Variants in STAU2 observed in about 807,000 individuals in gnomAD.
The protein encoded by STAU2 is double-stranded RNA-binding protein Staufen homolog 2.
Under a neutral mutation model 65.9 loss-of-function variants are expected in STAU2, and 20 were observed. The observed-to-expected ratio is 0.30, with a 90% CI of 0.21 to 0.44. STAU2 has a LOEUF of 0.44. Among genes scored for constraint, STAU2 ranks in the 20% least tolerant of loss-of-function variants. The pLI is 1.00. For synonymous variants in STAU2, 232 were observed against 233.9 expected (o/e 0.99, Z 0.07); for missense variants, 558 against 683.9 (o/e 0.82, Z 2.05).
At chr8:73,551,818 A>G (rs1179807170) in intron 13 of STAU2, 194 bp downstream of exon 13, 3 of 1,265,898 alleles carry the variant, frequency 2.4e-6, no homozygotes, top group Non-Finnish European at 3.0e-6. Context: ...GAATTACTAG[A>G]TAGATCAAAA....
intron 6 of STAU2, among the ~76,000 whole-genome samples, chr8:73,670,135 C>T (rs1191846687): frequency 2.6e-5 from 4 of 152,064 alleles, no homozygotes; most frequent in South Asian, 2.1e-4. Context: ...AAAGGCAATG[C>T]GTATATTATA....
intron 13 of STAU2, among the ~76,000 whole-genome samples, chr8:73,486,728 C>T (rs971372378): frequency 6.6e-6 from 1 of 151,010 alleles, no homozygotes; most frequent in Non-Finnish European, 1.5e-5. Flanking sequence ...TTATGGCTCA[C>T]TGCAGCCTTT....
Position 73,611,851 on chromosome 8 carries a change from T to A in STAU2, c.891+1893A>T, listed in dbSNP as rs572697306. Among the ~76,000 whole-genome samples the A allele has an allele frequency of 1.7e-4, 26 of 152,162 alleles. 1 individual carries two copies. Among genetic ancestry groups the A allele is most frequent in the African/African-American group, 6.0e-4 (25 of 41,520 alleles). ...CGCATGCCACCACAACCGACTAATT[T>A]TTGTATTTTTAGTAGAGACCAAGTT... On this transcript the variant is annotated intron_variant, in intron 9 of 14. Coordinates refer to ENST00000524300, the MANE Select transcript of STAU2 (RefSeq NM_001164380.2).
chr8:73,519,436 AAAGT>A (rs1234735298), intron 13 of STAU2, among the ~76,000 whole-genome samples: 1 of 152,232 alleles, frequency 6.6e-6, no homozygotes, highest in Admixed American at 6.5e-5. Context: ...GTACTTGAAG[AAAGT>A]AATTTAGGAC....
intron 6 of STAU2, among the ~76,000 whole-genome samples, chr8:73,635,583 T>G (rs980665449): frequency 6.6e-6 from 1 of 152,040 alleles, no homozygotes; most frequent in Non-Finnish European, 1.5e-5. Flanking sequence ...TCCCAGCACT[T>G]TTGGAGGCCA....
intron 13 of STAU2, among the ~76,000 whole-genome samples, chr8:73,525,243 TA>T (rs2128930374): frequency 6.6e-6 from 1 of 152,336 alleles, no homozygotes; most frequent in Admixed American, 6.5e-5. Flanking sequence ...GTATTTGCTT[TA>T]ATATAAAAAT....
rs112690739 is a variant in STAU2 at position 73,655,387 on chromosome 8, G to A, written c.410+17720C>T. The stretch of plus-strand genomic sequence containing the variant: ...TACATAAATTCTGTTAAATACAACA[G>A]AAATTTTACACCAGCTGTATCTTGT... On this transcript the variant is annotated intron_variant, in intron 6 of 14. Transcript: ENST00000524300. Among the ~76,000 whole-genome samples the A allele has an allele frequency of 1.4e-3, 210 of 152,112 alleles. 1 individual carries two copies. The highest frequency in any genetic ancestry group is 3.9e-3 in the African/African-American group (160 of 41,508).
rs1380275255 is a variant in STAU2, at chr8:73,637,463, TAAAGTGCTGAAAG to T, written c.411-20025_411-20013del. Among the ~76,000 whole-genome samples the T allele has an allele frequency of 4.5e-3, 256 of 56,564 alleles. 2 individuals are homozygous for T. The highest frequency in any genetic ancestry group is 0.015 in the African/African-American group (244 of 16,260). The allele number at this position is 56,564 out of a possible 152,430, so 37.1% of individuals were successfully genotyped here. The stretch of plus-strand genomic sequence containing the variant: ...TGGAACAACATCTTTAAAGTCTTTA[TAAAGTGCTGAAAG>T]TAAAAAAAAAAAAAAAAAAAAAAAA... On this transcript the variant is annotated intron_variant, in intron 6 of 14. Transcript: ENST00000524300.
intron 6 of STAU2, among the ~76,000 whole-genome samples, chr8:73,661,585 T>C (rs577315782): frequency 6.6e-6 from 1 of 152,298 alleles, no homozygotes; most frequent in East Asian, 1.9e-4. Flanking sequence ...AAAACTTTCC[T>C]TGTATAGGAA....
At chr8:73,432,331 A>C (rs1384679592) in intron 13 of STAU2, among the ~76,000 whole-genome samples, 5 of 152,210 alleles carry the variant, frequency 3.3e-5, no homozygotes, top group Non-Finnish European at 7.3e-5. Flanking sequence ...TTGAATGTAA[A>C]TGTCTTCATC....
chr8:73,651,683 T>G, intron 6 of STAU2: 1 of 480,616 alleles, frequency 2.1e-6, no homozygotes, highest in Non-Finnish European at 3.8e-6. Context: ...GGGCAGCCTC[T>G]GGCGTACCAC....
intron 13 of STAU2, among the ~76,000 whole-genome samples, chr8:73,458,431 A>G (rs777472905): frequency 6.6e-6 from 1 of 152,252 alleles, no homozygotes; most frequent in Non-Finnish European, 1.5e-5. Flanking sequence ...GTAAGTTTAC[A>G]GAAACAAGAA....
At chr8:73,699,419 G>C (rs1033239661) in intron 4 of STAU2, among the ~76,000 whole-genome samples, 2 of 150,868 alleles carry the variant, frequency 1.3e-5, no homozygotes, top group African/African-American at 4.9e-5. Context: ...ATTGACAAAC[G>C]ATTTAGCCAG....
chr8:73,446,363 C>T (rs116465883), intron 13 of STAU2, among the ~76,000 whole-genome samples: 135 of 152,258 alleles, frequency 8.9e-4, no homozygotes, highest in Admixed American at 2.2e-3. Context: ...GTATCTCGAT[C>T]GCTGAGTGGT....
In STAU2 at chr8:73,688,669, C is replaced by T. The variant is rs1195714585; in HGVS notation, c.259G>A (p.Val87Ile). 6.2e-7 allele frequency: 1 copy of T among 1,613,966 alleles called. No homozygotes were observed. The highest frequency in any genetic ancestry group is 1.3e-5 in the African/African-American group (1 of 74,886). ...ACTGCCATACCTGGGTTATTGTTAA[C>T]ATTACTTTTGGGTGGCTTCTGAACT... ...KPVQKPPKSNVNNNPGSITPT... is the reference protein window; with the variant it reads ...KPVQKPPKSNINNNPGSITPT... Residue 87 changes from valine to isoleucine, a missense_variant, in exon 5 of 15, where the codon GTT becomes ATT. Physicochemically the swap from Val to Ile is conservative, Grantham distance 29. Around this residue, in one of 3 missense-constraint regions of STAU2, gnomAD observed 112 missense variants for 114.2 expected, o/e 0.98. Transcript: ENST00000524300.
At chr8:73,656,031 C>T (rs1175791768) in intron 6 of STAU2, among the ~76,000 whole-genome samples, 1 of 152,108 alleles carries the variant, frequency 6.6e-6, no homozygotes, top group Admixed American at 6.5e-5. Flanking sequence ...GATCCGCCCG[C>T]CTCAGTCTCC....
chr8:73,737,573 T>G (rs1025112807), intron 3 of STAU2, among the ~76,000 whole-genome samples: 14 of 151,636 alleles, frequency 9.2e-5, no homozygotes, highest in Admixed American at 6.6e-5. Flanking sequence ...TCCTTTTTTT[T>G]TTTTTTGTTT....
intron 12 of STAU2, among the ~76,000 whole-genome samples, chr8:73,552,869 A>C (rs576028533): frequency 3.9e-5 from 6 of 152,220 alleles, no homozygotes; most frequent in African/African-American, 1.2e-4. Flanking sequence ...AATGGGTATC[A>C]TCTCAAAACT....
At chr8:73,627,910 T>G (rs1284535889) in intron 6 of STAU2, among the ~76,000 whole-genome samples, 1 of 151,980 alleles carries the variant, frequency 6.6e-6, no homozygotes, top group Non-Finnish European at 1.5e-5. Flanking sequence ...TAAGAACAAT[T>G]TTGTCTGTAT....
Sources: allele counts gnomAD v4.1 joint callset (sites outside exome capture counted in the v4.1 genomes callset), GRCh38; gene constraint gnomAD v4.1.1; regional missense constraint gnomAD v4.1.1; transcripts MANE v1.5; gene names NCBI Gene and HGNC (gene_info 2026-07-23, HGNC 2026-07-21).